NXPH2: variants seen among roughly 807,000 people sequenced by gnomAD.
NXPH2 encodes the protein neurexophilin 2.
A neutral mutation model predicts 19.8 loss-of-function variants in NXPH2; 5 were observed. The ratio of observed to expected loss-of-function variants is 0.25; its 90% CI spans 0.13 to 0.53. The LOEUF (loss-of-function observed/expected upper bound fraction) is 0.53, where lower values mean the gene tolerates loss of function less well. Among genes scored for constraint, NXPH2 ranks in the 20% least tolerant of loss-of-function variants. The pLI is 0.96. For synonymous variants in NXPH2, 154 were observed against 127.4 expected (o/e 1.21, Z -1.41); for missense variants, 289 against 322.8 (o/e 0.90, Z 0.80).
At chr2:138,756,013 T>C (rs1000521866) in intron 1 of NXPH2, among the ~76,000 whole-genome samples, 7 of 152,046 alleles carry the variant, frequency 4.6e-5, no homozygotes, top group African/African-American at 1.7e-4. Context: ...CTTACTAACC[T>C]TGTATCCTGA....
chr2:138,745,092 T>C (rs1383925395), intron 1 of NXPH2, among the ~76,000 whole-genome samples: 2 of 152,178 alleles, frequency 1.3e-5, no homozygotes, highest in Non-Finnish European at 2.9e-5. Flanking sequence ...CCCCTAAGAC[T>C]AACCTTCTCA....
chr2:138,733,173 G>C (rs1429726743), intron 1 of NXPH2, among the ~76,000 whole-genome samples: 1 of 152,182 alleles, frequency 6.6e-6, no homozygotes, highest in Admixed American at 6.5e-5. Flanking sequence ...GAAATGACCT[G>C]AAGGAGAAAT....
chr2:138,728,984 G>A (rs1681403435), intron 1 of NXPH2, among the ~76,000 whole-genome samples: 1 of 152,102 alleles, frequency 6.6e-6, no homozygotes, highest in African/African-American at 2.4e-5. Context: ...CAATTTTCTA[G>A]GGTCAAATAG....
intron 1 of NXPH2, among the ~76,000 whole-genome samples, chr2:138,744,080 C>A (rs2105007746): frequency 6.6e-6 from 1 of 151,100 alleles, no homozygotes; most frequent in African/African-American, 2.4e-5. Context: ...CTTTAAATAT[C>A]CTACTCTCTT....
Position 138,675,408 on chromosome 2 carries a change from T to G in NXPH2, c.52-3743A>C, listed in dbSNP as rs1338832520. Among the ~76,000 whole-genome samples, 4 of 152,284 alleles carry G rather than the reference T, an allele frequency of 2.6e-5. No individual in the cohort carries two copies. The South Asian group carries it at 6.2e-4, about 24-fold the overall frequency. ...AGTTTTGCAATCATGTAGTCTTAGCTGATCTTGGTGCACTTTCAAATACAT... is the reference window on the plus strand; with the variant it reads ...AGTTTTGCAATCATGTAGTCTTAGCGGATCTTGGTGCACTTTCAAATACAT... On this transcript the variant is annotated intron_variant, in intron 1 of 1. Coordinates refer to ENST00000272641, the MANE Select transcript of NXPH2 (RefSeq NM_007226.3).
chr2:138,732,525 G>C (rs759781541), intron 1 of NXPH2, among the ~76,000 whole-genome samples: 1 of 152,178 alleles, frequency 6.6e-6, no homozygotes, highest in Non-Finnish European at 1.5e-5. Flanking sequence ...TTCCAAGTAA[G>C]GTGAGATTTC....
At chr2:138,715,428 A>T (rs1304603796) in intron 1 of NXPH2, among the ~76,000 whole-genome samples, 2 of 152,198 alleles carry the variant, frequency 1.3e-5, no homozygotes, top group African/African-American at 4.8e-5. Context: ...CATACATCAG[A>T]TTTTTAAATA....
chr2:138,674,279 G>A (rs979040421), intron 1 of NXPH2, among the ~76,000 whole-genome samples: 4 of 151,904 alleles, frequency 2.6e-5, no homozygotes, highest in Admixed American at 6.6e-5. Flanking sequence ...TCAGCCTCCC[G>A]AGTAGCTGTG....
intron 1 of NXPH2, among the ~76,000 whole-genome samples, chr2:138,723,345 A>G (rs541176695): frequency 1.3e-5 from 2 of 152,346 alleles, no homozygotes; most frequent in East Asian, 3.9e-4. Flanking sequence ...TGAATGAAAA[A>G]TCATGGTTGA....
At chr2:138,769,534 T>C (rs1040126330) in intron 1 of NXPH2, among the ~76,000 whole-genome samples, 2 of 150,732 alleles carry the variant, frequency 1.3e-5, no homozygotes, top group Non-Finnish European at 3.0e-5. Flanking sequence ...CAAAGAAGAG[T>C]AAATCAAAAT....
chr2:138,685,961 T>C (rs1442905542), intron 1 of NXPH2, among the ~76,000 whole-genome samples: 1 of 152,218 alleles, frequency 6.6e-6, no homozygotes, highest in Non-Finnish European at 1.5e-5. Flanking sequence ...CTTGATCTTA[T>C]TCATCGTATG....
chr2:138,728,284 G>T (rs968852815), intron 1 of NXPH2, among the ~76,000 whole-genome samples: 7 of 152,174 alleles, frequency 4.6e-5, no homozygotes, highest in African/African-American at 1.7e-4. Flanking sequence ...GGCTTCACTA[G>T]AAATCAATCC....
At chr2:138,739,803 C>A (rs192162779) in intron 1 of NXPH2, among the ~76,000 whole-genome samples, 37 of 152,044 alleles carry the variant, frequency 2.4e-4, no homozygotes, top group Admixed American at 1.2e-3. Context: ...TGGTTTATTT[C>A]ATGAAACAAA....
intron 1 of NXPH2, among the ~76,000 whole-genome samples, chr2:138,751,921 A>T (rs1158030671): frequency 6.6e-6 from 1 of 152,196 alleles, no homozygotes; most frequent in Non-Finnish European, 1.5e-5. Flanking sequence ...TGAATAACAG[A>T]CATTGCTGAG....
At chr2:138,724,636 G>A (rs893612090) in intron 1 of NXPH2, among the ~76,000 whole-genome samples, 3 of 152,168 alleles carry the variant, frequency 2.0e-5, no homozygotes, top group South Asian at 2.1e-4. Flanking sequence ...GGGTGTTGAC[G>A]ACACTGAGTA....
chr2:138,705,137 AT>A (rs1558917938), intron 1 of NXPH2, among the ~76,000 whole-genome samples: 2 of 151,528 alleles, frequency 1.3e-5, no homozygotes, highest in Non-Finnish European at 2.9e-5. Flanking sequence ...TTTTAAAAAA[AT>A]TTTTTTGTAG....
At chr2:138,776,016 A>G (rs1441011162) in intron 1 of NXPH2, among the ~76,000 whole-genome samples, 1 of 152,100 alleles carries the variant, frequency 6.6e-6, no homozygotes, top group African/African-American at 2.4e-5. Flanking sequence ...TCCACAGAAT[A>G]TGTAAACGGT....
In NXPH2 at chr2:138,671,428, T is replaced by A; in HGVS notation, c.289A>T (p.Thr97Ser). Residue 97 changes from threonine (T) to serine (S), a missense_variant, in exon 2 of 2, where the codon ACT (threonine) becomes TCT (serine). By Grantham distance (58) the Thr-to-Ser change is moderately conservative (BLOSUM62 1). Coordinates refer to ENST00000272641, the MANE Select transcript of NXPH2 (RefSeq NM_007226.3). ...ITEIQEPLARTKRRPIVKTGK... is the reference protein window; with the variant it reads ...ITEIQEPLARSKRRPIVKTGK... ...GTTTTTACTATTGGCCTCCGTTTAG[T>A]TCTTGCCAATGGCTCCTGAATCTCC... 2 of 1,614,046 alleles carry A rather than the reference T, an allele frequency of 1.2e-6. No homozygotes were observed. The highest frequency in any genetic ancestry group is 1.7e-6 in the Non-Finnish European group (2 of 1,179,876).
intron 1 of NXPH2, among the ~76,000 whole-genome samples, chr2:138,687,211 C>T (rs1474685189): frequency 6.6e-6 from 1 of 152,140 alleles, no homozygotes; most frequent in Admixed American, 6.5e-5. Flanking sequence ...CTCTCCAGCA[C>T]CTGTTGTTTC....
Sources: gnomAD v4.1 joint callset for allele counts (sites outside exome capture counted in the v4.1 genomes callset) on GRCh38, gnomAD v4.1.1 for gene constraint, MANE v1.5 for transcripts, NCBI Gene and HGNC (gene_info 2026-07-23, HGNC 2026-07-21) for gene names.